Variants in PCDH15 observed in about 807,000 individuals in gnomAD.
PCDH15 encodes the protein protocadherin related 15, also known as protocadherin-15.
A neutral mutation model predicts 178.5 loss-of-function variants in PCDH15; 129 were observed. The ratio of observed to expected loss-of-function variants is 0.72; its 90% CI spans 0.63 to 0.84. The LOEUF is 0.84. Ranked by LOEUF, PCDH15 falls within the 40% of genes least tolerant of loss-of-function variation. The pLI is 0.00. For missense variants in PCDH15, 2,230 were observed against 2,099.9 expected, an observed-to-expected ratio of 1.06 and a Z score of -1.21; for synonymous variants, 800 against 732.0, an observed-to-expected ratio of 1.09 and a Z score of -1.50.
chr10:55,137,871 G>A (rs1242973856), intron 2 of PCDH15, among the ~76,000 whole-genome samples: 3 of 152,110 alleles, frequency 2.0e-5, no homozygotes, highest in Non-Finnish European at 2.9e-5. Flanking sequence ...GGATTTTACT[G>A]TAGGTGATCC....
chr10:54,655,941 C>T (rs2094396893), intron 2 of PCDH15: 1 of 151,964 alleles, frequency 6.6e-6, no homozygotes, highest in African/African-American at 2.4e-5. Context: ...TCTTGTCATC[C>T]CTTTCTAAAT....
intron 2 of PCDH15, among the ~76,000 whole-genome samples, chr10:55,420,300 GCTCATA>G (rs61419860): frequency 0.27 from 40,782 of 151,272 alleles, 6,681 homozygotes; most frequent in African/African-American, 0.47. Context: ...AGCTGGTAAA[GCTCATA>G]TGGTAAAGCT....
chr10:55,113,324 A>C (rs1418922747), intron 2 of PCDH15, among the ~76,000 whole-genome samples: 2 of 151,974 alleles, frequency 1.3e-5, no homozygotes, highest in Admixed American at 6.6e-5. Context: ...GCAAGACACT[A>C]TACTTAGTTA....
chr10:54,176,210 T>C (rs2047417831), intron 13 of PCDH15, among the ~76,000 whole-genome samples: 1 of 152,186 alleles, frequency 6.6e-6, no homozygotes, highest in South Asian at 2.1e-4. Flanking sequence ...GTCATTATAC[T>C]GACCACTCGT....
chr10:55,131,227 T>C (rs977685525), intron 2 of PCDH15, among the ~76,000 whole-genome samples: 1 of 152,174 alleles, frequency 6.6e-6, no homozygotes, highest in African/African-American at 2.4e-5. Context: ...TCAAAACAAA[T>C]GACCTTTTCA....
intron 3 of PCDH15, among the ~76,000 whole-genome samples, chr10:54,440,268 C>G (rs1014694157): frequency 2.0e-5 from 3 of 151,908 alleles, no homozygotes; most frequent in Admixed American, 2.0e-4. Flanking sequence ...AATGCTTATG[C>G]AAATAAGCTA....
intron 2 of PCDH15, among the ~76,000 whole-genome samples, chr10:55,527,758 T>C (rs1011310716): frequency 1.3e-5 from 2 of 152,072 alleles, no homozygotes; most frequent in African/African-American, 4.8e-5. Flanking sequence ...TTTGGCACCC[T>C]AAAAGTCCTG....
chr10:54,741,152 A>C (rs1431149960), intron 1 of PCDH15, among the ~76,000 whole-genome samples: 1 of 151,474 alleles, frequency 6.6e-6, no homozygotes, highest in African/African-American at 2.4e-5. Context: ...TTATGTACCA[A>C]TATTAAAAGA....
intron 2 of PCDH15, among the ~76,000 whole-genome samples, chr10:55,478,402 G>A (rs1840105819): frequency 1.3e-5 from 2 of 151,576 alleles, no homozygotes; most frequent in Non-Finnish European, 3.0e-5. Flanking sequence ...ATACTGATGG[G>A]TCAATCAATA....
intron 2 of PCDH15, among the ~76,000 whole-genome samples, chr10:55,621,064 A>C (rs1843581319): frequency 6.6e-6 from 1 of 152,062 alleles, no homozygotes; most frequent in South Asian, 2.1e-4. Context: ...AACAGGAATT[A>C]GATTCTATTG....
chr10:54,587,850 G>C (rs1385451590), intron 2 of PCDH15, among the ~76,000 whole-genome samples: 1 of 152,128 alleles, frequency 6.6e-6, no homozygotes, highest in Non-Finnish European at 1.5e-5. Flanking sequence ...TGTAAGATAT[G>C]AGTTGAATAT....
intron 2 of PCDH15, among the ~76,000 whole-genome samples, chr10:54,603,693 T>A (rs981852656): frequency 4.0e-5 from 6 of 151,844 alleles, no homozygotes; most frequent in Non-Finnish European, 7.4e-5. Context: ...AGAGTAAAAA[T>A]CTTAGAGGCA....
intron 25 of PCDH15, among the ~76,000 whole-genome samples, chr10:53,928,673 T>C (rs933386950): frequency 3.9e-5 from 6 of 152,050 alleles, no homozygotes; most frequent in Admixed American, 6.5e-5. Context: ...TTAATAGGGC[T>C]TAGTGTGCCT....
At chr10:54,795,027 T>C (rs1951818925) in intron 1 of PCDH15, among the ~76,000 whole-genome samples, 1 of 151,850 alleles carries the variant, frequency 6.6e-6, no homozygotes, top group African/African-American at 2.4e-5. Flanking sequence ...GGGATAGCCT[T>C]AGTACTTTCA....
intron 1 of PCDH15, among the ~76,000 whole-genome samples, chr10:55,234,458 G>C (rs1472680726): frequency 6.6e-6 from 1 of 151,458 alleles, no homozygotes; most frequent in East Asian, 1.9e-4. Flanking sequence ...AGGCTGGAGT[G>C]AGTGGCACAA....
intron 25 of PCDH15, among the ~76,000 whole-genome samples, chr10:53,913,862 T>C (rs557003863): frequency 5.9e-4 from 90 of 152,098 alleles, no homozygotes; most frequent in Non-Finnish European, 1.0e-4. Flanking sequence ...GCAATCTACC[T>C]ATCTGACAAA....
chr10:54,595,946 C>T (rs2092212493), intron 2 of PCDH15, among the ~76,000 whole-genome samples: 1 of 151,952 alleles, frequency 6.6e-6, no homozygotes. Context: ...TGAAGCAAAC[C>T]TCCAGGAAAT....
At chr10:54,629,902 C>G (rs1590684523) in intron 2 of PCDH15, among the ~76,000 whole-genome samples, 1 of 151,972 alleles carries the variant, frequency 6.6e-6, no homozygotes, top group African/African-American at 2.4e-5. Context: ...GTTTCAGGAT[C>G]CAAAATCCAC....
intron 2 of PCDH15, among the ~76,000 whole-genome samples, chr10:54,921,515 G>A (rs1417350623): frequency 6.6e-6 from 1 of 151,962 alleles, no homozygotes; most frequent in East Asian, 1.9e-4. Flanking sequence ...CCAAGTGTCT[G>A]TTGTTCCCCT....
Sources: gnomAD v4.1 joint callset for allele counts (sites outside exome capture counted in the v4.1 genomes callset) on GRCh38, gnomAD v4.1.1 for gene constraint, MANE v1.5 for transcripts, NCBI Gene and HGNC (gene_info 2026-07-23, HGNC 2026-07-21) for gene names.